The following LARP4B variants were observed in gnomAD, a reference collection of about 807,000 sequenced individuals.
LARP4B encodes La ribonucleoprotein 4B.
A neutral mutation model predicts 89.8 loss-of-function variants in LARP4B; 12 were observed. That is an observed-to-expected ratio of 0.13 (90% confidence interval 0.09 to 0.22). The LOEUF (loss-of-function observed/expected upper bound fraction) is 0.22, where lower values mean the gene tolerates loss of function less well. Ranked by LOEUF, LARP4B falls within the 10% of genes least tolerant of loss-of-function variation. LARP4B has a pLI of 1.00. For missense variants in LARP4B, 757 were observed against 947.7 expected (o/e 0.80, Z 2.64); for synonymous variants, 367 against 363.3 (o/e 1.01, Z -0.12).
chr10:930,307 C>T lies in LARP4B; in HGVS notation c.-40+1121G>A, dbSNP rs144791416. On this transcript the variant is annotated intron_variant, in intron 1 of 17. Coordinates refer to ENST00000316157, the MANE Select transcript of LARP4B (RefSeq NM_015155.3). ...CTCTCATCTCTAGAAAAAGGCCTCA[C>T]GCATACTGTTTATACTTACAAACTC... 8.3e-3 allele frequency among the ~76,000 whole-genome samples: 1,264 copies of T among 152,318 alleles called. 10 individuals carry two copies. The highest frequency in any genetic ancestry group is 0.041 in the Middle Eastern group (12 of 294).
rs1458792689 is a variant in LARP4B at position 877,091 on chromosome 10, C to A, written c.141+7356G>T. Among the ~76,000 whole-genome samples the A allele has an allele frequency of 3.9e-5, 6 of 152,176 alleles. 2 individuals carry two copies. The South Asian group carries it at 1.0e-3, about 26-fold the overall frequency. ...CTGGGCAGCAAGCCTGTGGAGGGCC[C>A]CCAGTGCTCATCTACCAAAACCCTT... is the stretch of plus-strand genomic sequence containing the variant. On this transcript the variant is annotated intron_variant, in intron 3 of 17. Transcript: ENST00000316157.
intron 3 of LARP4B, among the ~76,000 whole-genome samples, chr10:868,396 A>AC (rs1247457894): frequency 6.6e-6 from 1 of 151,912 alleles, no homozygotes; most frequent in African/African-American, 2.4e-5. Context: ...AAAAAAAAAA[A>AC]AGACACCTGT....
At chr10:925,578 GGCTGGAGT>G (rs1837114121) in intron 1 of LARP4B, among the ~76,000 whole-genome samples, 1 of 152,066 alleles carries the variant, frequency 6.6e-6, no homozygotes, top group African/African-American at 2.4e-5. Context: ...CTGTCGCCCA[GGCTGGAGT>G]GCAGTGGTGT....
At chr10:835,804 G>A (rs912163009) in intron 8 of LARP4B, among the ~76,000 whole-genome samples, 1 of 152,092 alleles carries the variant, frequency 6.6e-6, no homozygotes. Context: ...GCAGCGACAG[G>A]CGCCTGTAAT....
intron 5 of LARP4B, among the ~76,000 whole-genome samples, chr10:854,920 A>G (rs1834227914): frequency 6.6e-6 from 1 of 152,212 alleles, no homozygotes; most frequent in Non-Finnish European, 1.5e-5. Context: ...TACTGTAGCC[A>G]TCTTCATCAA....
the LARP4B span, among the ~76,000 whole-genome samples, chr10:956,926 TGAA>T: frequency 6.6e-6 from 1 of 152,190 alleles, no homozygotes; most frequent in Non-Finnish European, 1.5e-5. The surrounding 1 kb of genome is among the most constrained non-coding windows in gnomAD (Gnocchi z 4.3). Context: ...AGGCAGACAC[TGAA>T]GAAGAGCTTG....
chr10:860,908 G>A (rs775465150), intron 5 of LARP4B, among the ~76,000 whole-genome samples: 1 of 152,180 alleles, frequency 6.6e-6, no homozygotes, highest in Non-Finnish European at 1.5e-5. Context: ...TGTAATCCCA[G>A]CACTTTGGGA....
Position 817,894 on chromosome 10 carries a change from A to G in LARP4B, c.1531-5T>C. 6.2e-7 allele frequency: 1 copy of G among 1,612,072 alleles called. No individual in the cohort carries two copies. ...TGGAGACTGTGTCTGGCTGCTCTGC[A>G]ACAGAATGACACCCCAGGGTCACGG... On this transcript the variant is annotated splice_region_variant and splice_polypyrimidine_tract_variant and intron_variant, in intron 14 of 17. Transcript: ENST00000316157.
chr10:813,248 A>C, intron 17 of LARP4B, 35 bp from the exon 18 acceptor site: 1 of 1,567,440 alleles, frequency 6.4e-7, no homozygotes, highest in Non-Finnish European at 8.6e-7. Flanking sequence ...CCTGTGTGAA[A>C]TGGTGTCTCT....
chr10:876,274 C>T (rs1835447976), intron 3 of LARP4B, among the ~76,000 whole-genome samples: 1 of 152,106 alleles, frequency 6.6e-6, no homozygotes, highest in African/African-American at 2.4e-5. Flanking sequence ...ATCCCAGCTA[C>T]TTGAGAGGCT....
At chr10:982,379 C>G in the LARP4B span, among the ~76,000 whole-genome samples, 1 of 152,184 alleles carries the variant, frequency 6.6e-6, no homozygotes, top group Admixed American at 6.5e-5. Flanking sequence ...GCGTGAGACA[C>G]TGCGCCCAGC....
intron 1 of LARP4B, among the ~76,000 whole-genome samples, chr10:913,664 C>T (rs1054997966): frequency 2.6e-5 from 4 of 152,190 alleles, no homozygotes; most frequent in Non-Finnish European, 4.4e-5. Context: ...AAATTAGGGC[C>T]GGGTGCAGTG....
In LARP4B at chr10:825,725, C is replaced by T. The variant is rs753915276; in HGVS notation, c.1232+39G>A. 7.4e-5 allele frequency: 102 copies of T among 1,384,302 alleles called. 2 individuals carry two copies. In the Middle Eastern group the frequency reaches 1.2e-3, roughly 17 times the overall value. The allele number at this position is 1,384,302 out of a possible 1,614,324, so 85.8% of individuals were successfully genotyped here. On this transcript the variant is annotated intron_variant, in intron 12 of 17. Transcript: ENST00000316157. ...CATCCCAACTCCGGAAGGGCAGTAG[C>T]GTAAAGACCAAAACTGCTAAGACCG...
At chr10:931,255 C>A (rs1281728032) in intron 1 of LARP4B, among the ~76,000 whole-genome samples, 173 bp downstream of exon 1, 1 of 149,526 alleles carries the variant, frequency 6.7e-6, no homozygotes, top group Admixed American at 6.6e-5. Context: ...TAGCCCCGGT[C>A]CTCCTCAACC....
intron 5 of LARP4B, among the ~76,000 whole-genome samples, chr10:855,840 T>A (rs1834272497): frequency 6.6e-6 from 1 of 152,184 alleles, no homozygotes; most frequent in African/African-American, 2.4e-5. Context: ...CTGCTGACAA[T>A]CCAAGCAGTG....
chr10:868,137 TCTGACAAGTTA>T (rs896071685), intron 3 of LARP4B, among the ~76,000 whole-genome samples: 2 of 152,096 alleles, frequency 1.3e-5, no homozygotes, highest in Admixed American at 1.3e-4. Flanking sequence ...GAACAGTCTC[TCTGACAAGTTA>T]CTGACTAGGA....
chr10:841,026 G>A (rs960928423), intron 7 of LARP4B, among the ~76,000 whole-genome samples: 2 of 152,146 alleles, frequency 1.3e-5, no homozygotes, highest in Non-Finnish European at 2.9e-5. Flanking sequence ...GGTGGTGCAC[G>A]CTTGTAATGC....
intron 1 of LARP4B, among the ~76,000 whole-genome samples, chr10:916,845 C>T (rs779530070): frequency 1.1e-4 from 16 of 152,152 alleles, no homozygotes; most frequent in Non-Finnish European, 1.9e-4. Flanking sequence ...TATAAGCACA[C>T]ACCACCACAC....
Position 830,608 on chromosome 10 carries a change from G to A in LARP4B, c.861+259C>T, listed in dbSNP as rs142262694. ...ATAGTAAAACTTCTCTGCCCAGATAGAAGAACAAAACTGATTTTCCTAGGT... is the reference window on the plus strand; with the variant it reads ...ATAGTAAAACTTCTCTGCCCAGATAAAAGAACAAAACTGATTTTCCTAGGT... On this transcript the variant is annotated intron_variant, in intron 9 of 17. Transcript: ENST00000316157. Among the ~76,000 whole-genome samples, 1,033 of 152,288 alleles carry A rather than the reference G, an allele frequency of 6.8e-3. 6 individuals carry two copies. The highest frequency in any genetic ancestry group is 0.011 in the Non-Finnish European group (757 of 68,006).
Sources: gnomAD v4.1 joint callset for allele counts (sites outside exome capture counted in the v4.1 genomes callset) on GRCh38, gnomAD v4.1.1 for gene constraint, Gnocchi (gnomAD v3.1) non-coding constraint, MANE v1.5 for transcripts, NCBI Gene and HGNC (gene_info 2026-07-23, HGNC 2026-07-21) for gene names.